TAF1: variants seen among roughly 807,000 people sequenced by gnomAD.
TAF1 encodes the protein TATA-box binding protein associated factor 1.
Under a neutral mutation model 138.5 loss-of-function variants are expected in TAF1, and 2 were observed. The observed-to-expected ratio is 0.01, with a 90% CI of 0.01 to 0.05. The LOEUF (loss-of-function observed/expected upper bound fraction) is 0.05, where lower values mean the gene tolerates loss of function less well. TAF1 is among the 10% of genes least tolerant of loss of function. The pLI is 1.00. For missense variants in TAF1, 709 were observed against 1,478.0 expected, an observed-to-expected ratio of 0.48 and a Z score of 8.53; for synonymous variants, 437 against 503.2, an observed-to-expected ratio of 0.87 and a Z score of 1.76.
At chrX:71,527,386 CAA>C (rs397952861) in intron 13 of TAF1, among the ~76,000 whole-genome samples, 3 of 43,499 alleles carry the variant, frequency 6.9e-5, no homozygotes, top group African/African-American at 7.8e-5. Context: ...AACTCCGTCT[CAA>C]AAAAAAAAAA....
chrX:71,506,129 G>A (rs767229404), intron 13 of TAF1, among the ~76,000 whole-genome samples: 11 of 109,279 alleles, frequency 1.0e-4, no homozygotes, highest in Non-Finnish European at 1.9e-4. Context: ...GAACCCGGGA[G>A]GTGGAGGTTG....
rs770964816 is a variant in TAF1, at chrX:71,464,231, A to G, written c.*185A>G. The G allele has an allele frequency of 3.6e-5, 16 of 442,616 alleles. No homozygotes were observed. Among genetic ancestry groups the G allele is most frequent in the Non-Finnish European group, 4.9e-5 (13 of 262,652 alleles). The allele number at this position is 442,616 out of a possible 1,213,427, so 36.5% of individuals were successfully genotyped here. On this transcript the variant is annotated 3_prime_UTR_variant, in exon 38 of 38. Coordinates refer to ENST00000423759, the MANE Select transcript of TAF1 (RefSeq NM_004606.5). ...CACCTCTCCTAATCTTCCTGGGGCA[A>G]TGTCACCCTTTGATTTAAAACAAAG...
intron 34 of TAF1, among the ~76,000 whole-genome samples, chrX:71,456,110 A>G (rs1319055978): frequency 1.8e-5 from 2 of 111,567 alleles, no homozygotes; most frequent in South Asian, 3.7e-4. Context: ...TCCACAAGGT[A>G]CTTTCTGGTA....
Position 71,368,163 on chromosome X carries a change from C to T in TAF1, c.345C>T (p.Cys115=), listed in dbSNP as rs904655299. 8.3e-7 allele frequency: 1 copy of T among 1,210,014 alleles called. No individual in the cohort carries two copies. Among genetic ancestry groups the T allele is most frequent in the Non-Finnish European group, 1.1e-6 (1 of 894,066 alleles). ...QQTMGSLQPL[C]HSDYDEDDYD... is the part of the protein sequence containing the mutation. ...CGATGGGGAGCTTGCAGCCCCTTTG[C>T]CACTCAGGTGATTCTTTGGTGTATT... The change falls in exon 3 of 38, where the codon TGC becomes TGT. Residue 115 remains cysteine (C), a synonymous_variant. Coordinates refer to ENST00000423759, the MANE Select transcript of TAF1 (RefSeq NM_004606.5).
rs925585795 is a variant in TAF1 at position 71,493,864 on chromosome X, A to G, written c.1366+33061A>G. Among the ~76,000 whole-genome samples the G allele has an allele frequency of 4.5e-5, 5 of 111,388 alleles. No homozygotes were observed. In the Admixed American group the frequency reaches 4.8e-4, roughly 11 times the overall value. On this transcript the variant is annotated intron_variant and NMD_transcript_variant, in intron 13 of 14. Coordinates refer to the TAF1 transcript ENST00000373775. The stretch of plus-strand genomic sequence containing the variant: ...TTTTAAACATTAGTTAGGCTTGGTG[A>G]TTCTCCCCTGTAGTCCCAGCTATTT...
At chrX:71,492,056 CCTCA>C (rs2039297861) in intron 13 of TAF1, 2 of 113,255 alleles carry the variant, frequency 1.8e-5, no homozygotes, top group African/African-American at 6.4e-5. Context: ...ATTTTGTTCT[CCTCA>C]CTATTAGACG....
chrX:71,388,561 T>C, intron 16 of TAF1, 177 bp from the exon 17 acceptor site: 1 of 902,862 alleles, frequency 1.1e-6, no homozygotes, highest in Admixed American at 3.6e-5. Flanking sequence ...TTAATGTGAT[T>C]GTTGGATATC....
chrX:71,424,374 C>A, intron 32 of TAF1, 136 bp downstream of exon 32: 11 of 288,886 alleles, frequency 3.8e-5, no homozygotes, highest in East Asian at 6.9e-5. Context: ...GTGGTGTGAT[C>A]ATAGTTCACT....
At chrX:71,398,533 T>A in intron 23 of TAF1, 39 bp from the exon 24 acceptor site, 1 of 1,200,929 alleles carries the variant, frequency 8.3e-7, no homozygotes, top group Non-Finnish European at 1.1e-6. Flanking sequence ...TTGCTTATGG[T>A]CCTGTGATTT....
chrX:71,408,406 C>G (rs867532474), intron 28 of TAF1, among the ~76,000 whole-genome samples: 1 of 110,857 alleles, frequency 9.0e-6, no homozygotes, highest in Admixed American at 9.6e-5. Context: ...CAACCTCCGC[C>G]TCTCGGTTCA....
chrX:71,426,506 G>A (rs866359685), intron 32 of TAF1, among the ~76,000 whole-genome samples: 5 of 111,431 alleles, frequency 4.5e-5, no homozygotes, highest in Middle Eastern at 4.7e-3. Context: ...ACCTGAAATC[G>A]GGAGTTTGAG....
chrX:71,508,086 C>CTCTCTATATATATATA (rs4040068), intron 13 of TAF1, among the ~76,000 whole-genome samples: 19 of 92,175 alleles, frequency 2.1e-4, no homozygotes, highest in African/African-American at 7.3e-4. Flanking sequence ...CTCTCTCTCT[C>CTCTCTATATATATATA]TATATATATA....
chrX:71,456,060 G>T lies in TAF1; in HGVS notation c.4938+1203G>T, dbSNP rs1326010985. The stretch of plus-strand genomic sequence containing the variant: ...GGTCAAGGGGGCTTGGGTGAGTGAT[G>T]TTGCCCAGGAAGGCCCTATTTGCTA... On this transcript the variant is annotated intron_variant, in intron 34 of 37. Coordinates refer to ENST00000423759, the MANE Select transcript of TAF1 (RefSeq NM_004606.5). Among the ~76,000 whole-genome samples, 3 of 111,871 alleles carry T rather than the reference G, an allele frequency of 2.7e-5. No homozygotes were observed. In the East Asian group the frequency reaches 8.4e-4, roughly 31 times the overall value.
At chrX:71,428,997 C>G (rs753661092) in intron 32 of TAF1, among the ~76,000 whole-genome samples, 1 of 111,711 alleles carries the variant, frequency 9.0e-6, no homozygotes, top group South Asian at 3.7e-4. Context: ...GCAGGGAGGC[C>G]GGGCGCGGTG....
At chrX:71,366,804 C>T (rs2032542683) in intron 1 of TAF1, among the ~76,000 whole-genome samples, 1 of 111,212 alleles carries the variant, frequency 9.0e-6, no homozygotes, top group African/African-American at 3.3e-5. Flanking sequence ...GGCTTCCCAC[C>T]CGTAACCTGC....
At chrX:71,456,404 A>G (rs1443454671) in intron 34 of TAF1, among the ~76,000 whole-genome samples, 3 of 111,022 alleles carry the variant, frequency 2.7e-5, no homozygotes, top group African/African-American at 9.8e-5. Flanking sequence ...ATTCCAGTTC[A>G]CCTTTTCATC....
At chrX:71,384,922 TG>T (rs1285221480) in intron 13 of TAF1, 22 bp from the exon 14 acceptor site, 1 of 1,101,414 alleles carries the variant, frequency 9.1e-7, no homozygotes, top group Admixed American at 2.3e-5. Context: ...TCTAAATAAC[TG>T]GGTCTTCTGT....
In TAF1 at chrX:71,406,563, T is replaced by C. The variant is rs2035481732; in HGVS notation, c.3999-75T>C. 4 of 1,043,413 alleles carry C rather than the reference T, an allele frequency of 3.8e-6. No homozygotes were observed. The South Asian group carries it at 8.8e-5, about 23-fold the overall frequency. The allele number at this position is 1,043,413 out of a possible 1,213,427, so 86.0% of individuals were successfully genotyped here. Reference sequence around the variant, plus strand: ...GTGCTTAGGTACCTTGGACTTTTTTTTAATTATAGTTGCTTTTTTTCCCCC... The same window carrying C: ...GTGCTTAGGTACCTTGGACTTTTTTCTAATTATAGTTGCTTTTTTTCCCCC... On this transcript the variant is annotated intron_variant, in intron 25 of 37. Transcript: ENST00000423759.
intron 6 of TAF1, 169 bp downstream of exon 6, chrX:71,377,990 T>C (rs1261369674): frequency 1.4e-6 from 1 of 708,586 alleles, no homozygotes; most frequent in East Asian, 3.5e-5. Context: ...CCTTCCCTAT[T>C]GTAAAAGAAA....
Sources: gnomAD v4.1 joint callset for allele counts (sites outside exome capture counted in the v4.1 genomes callset) on GRCh38, gnomAD v4.1.1 for gene constraint, MANE v1.5 for transcripts, NCBI Gene and HGNC (gene_info 2026-07-23, HGNC 2026-07-21) for gene names.